Variants in SGCD observed in about 807,000 individuals in gnomAD.
SGCD encodes the protein sarcoglycan delta.
Under a neutral mutation model 36.6 loss-of-function variants are expected in SGCD, and 18 were observed. The observed-to-expected ratio is 0.49, with a 90% CI of 0.34 to 0.73. SGCD has a LOEUF of 0.73. Among genes scored for constraint, SGCD ranks in the 30% least tolerant of loss-of-function variants. The pLI is 0.01. For missense variants in SGCD, 387 were observed against 346.7 expected, an observed-to-expected ratio of 1.12 and a Z score of -0.92; for synonymous variants, 133 against 130.6, an observed-to-expected ratio of 1.02 and a Z score of -0.12.
intron 7 of SGCD, among the ~76,000 whole-genome samples, chr5:156,697,224 A>G (rs942932475): frequency 3.3e-5 from 5 of 152,200 alleles, no homozygotes; most frequent in Non-Finnish European, 7.3e-5. Context: ...CACACTTTAC[A>G]TGGGCAAATT....
At chr5:155,740,441 T>C in the SGCD span, among the ~76,000 whole-genome samples, 125,990 of 152,164 alleles carry the variant, frequency 0.83, 52,346 homozygotes, top group East Asian at 0.99. Flanking sequence ...AAAGCATTAT[T>C]AGTCTGGGTG....
In SGCD at chr5:156,676,467, G is replaced by A. The variant is rs1419160022; in HGVS notation, c.575+28931G>A. 2.0e-5 allele frequency among the ~76,000 whole-genome samples: 3 copies of A among 152,212 alleles called. No individual in the cohort carries two copies. In the East Asian group the frequency reaches 5.8e-4, roughly 29 times the overall value. The stretch of plus-strand genomic sequence containing the variant: ...TGTCACTTGAACAGACACTGCGAAT[G>A]AGTTCTGCTGGATAAATAGCACGTA... On this transcript the variant is annotated intron_variant, in intron 7 of 8. Transcript: ENST00000337851.
chr5:156,577,288 G>A (rs1350967499), intron 4 of SGCD, among the ~76,000 whole-genome samples: 2 of 152,210 alleles, frequency 1.3e-5, no homozygotes, highest in South Asian at 2.1e-4. Context: ...TCTCTGTTTT[G>A]GTACCATTAC....
At chr5:156,628,834 C>A (rs1762524472) in intron 6 of SGCD, among the ~76,000 whole-genome samples, 1 of 152,172 alleles carries the variant, frequency 6.6e-6, no homozygotes, top group South Asian at 2.1e-4. Flanking sequence ...CTGACCTCAA[C>A]CAGATTTTAA....
intron 7 of SGCD, among the ~76,000 whole-genome samples, chr5:156,671,082 G>T (rs1379616995): frequency 2.0e-5 from 3 of 150,344 alleles, no homozygotes; most frequent in Admixed American, 2.0e-4. Flanking sequence ...TCCTTTTATA[G>T]CATCCTGTAT....
At chr5:156,245,741 A>G (rs1377183069) in intron 3 of SGCD, among the ~76,000 whole-genome samples, 1 of 152,166 alleles carries the variant, frequency 6.6e-6, no homozygotes, top group East Asian at 1.9e-4. Context: ...GAATGGAGAA[A>G]TTCTAGAAGA....
chr5:156,391,566 C>G (rs1487030210), intron 3 of SGCD, among the ~76,000 whole-genome samples: 1 of 152,198 alleles, frequency 6.6e-6, no homozygotes, highest in African/African-American at 2.4e-5. Flanking sequence ...AGTGTAATAA[C>G]TGTTTACAAA....
intron 3 of SGCD, among the ~76,000 whole-genome samples, chr5:156,146,468 A>G (rs1022665497): frequency 1.3e-5 from 2 of 152,222 alleles, no homozygotes; most frequent in Non-Finnish European, 2.9e-5. Context: ...TAAGCGGTGA[A>G]GGAAAGGTGG....
intron 3 of SGCD, among the ~76,000 whole-genome samples, chr5:156,443,532 A>G (rs990319371): frequency 6.6e-6 from 1 of 152,076 alleles, no homozygotes; most frequent in Non-Finnish European, 1.5e-5. Flanking sequence ...AGCTGAACTC[A>G]TGATCATCTA....
chr5:155,737,423 G>A, the SGCD span, among the ~76,000 whole-genome samples: 2 of 152,232 alleles, frequency 1.3e-5, no homozygotes, highest in Admixed American at 1.3e-4. Flanking sequence ...TGAAATAAAA[G>A]TTTTGAAAAA....
At chr5:156,559,082 G>C (rs2113233952) in intron 4 of SGCD, among the ~76,000 whole-genome samples, 1 of 152,250 alleles carries the variant, frequency 6.6e-6, no homozygotes, top group South Asian at 2.1e-4. Context: ...CTGGCTAAAT[G>C]ACCTTATACA....
intron 3 of SGCD, among the ~76,000 whole-genome samples, chr5:156,133,985 A>G (rs762173301): frequency 4.6e-5 from 7 of 151,640 alleles, no homozygotes; most frequent in Non-Finnish European, 1.0e-4. Flanking sequence ...TCTCTCCAAC[A>G]CAAGAAATGG....
chr5:156,011,588 C>T (rs979162426), intron 1 of SGCD, among the ~76,000 whole-genome samples: 1 of 151,990 alleles, frequency 6.6e-6, no homozygotes, highest in Non-Finnish European at 1.5e-5. Context: ...TACAGGTGCC[C>T]ACCACTGTGC....
intron 1 of SGCD, among the ~76,000 whole-genome samples, chr5:155,892,992 G>A (rs899417519): frequency 6.6e-6 from 1 of 152,120 alleles, no homozygotes; most frequent in African/African-American, 2.4e-5. Context: ...GGTGAGGAGA[G>A]GTTGGCCACC....
At chr5:156,560,458 A>T (rs1021465827) in intron 4 of SGCD, among the ~76,000 whole-genome samples, 21 of 152,298 alleles carry the variant, frequency 1.4e-4, no homozygotes, top group African/African-American at 5.1e-4. Flanking sequence ...AAATTCGGCT[A>T]AGTGTTGACA....
intron 1 of SGCD, among the ~76,000 whole-genome samples, chr5:155,872,350 A>AACAC (rs1755671626): frequency 2.4e-5 from 3 of 125,128 alleles, no homozygotes; most frequent in African/African-American, 1.3e-4. Flanking sequence ...TCTTCTCTTC[A>AACAC]GCACACACAC....
intron 3 of SGCD, among the ~76,000 whole-genome samples, chr5:156,137,559 T>C (rs1187814449): frequency 6.6e-6 from 1 of 152,164 alleles, no homozygotes; most frequent in Non-Finnish European, 1.5e-5. Flanking sequence ...TTAAATAAGA[T>C]TCGACTATTT....
At chr5:156,411,244 A>C (rs1224245313) in intron 3 of SGCD, among the ~76,000 whole-genome samples, 2 of 152,188 alleles carry the variant, frequency 1.3e-5, no homozygotes, top group Non-Finnish European at 2.9e-5. Context: ...TGGCCTCTGC[A>C]CAGAACCTTT....
chr5:155,744,930 T>C, the SGCD span, among the ~76,000 whole-genome samples: 1 of 152,176 alleles, frequency 6.6e-6, no homozygotes, highest in African/African-American at 2.4e-5. Context: ...TATAGACAAA[T>C]TGTAGTGAAA....
Sources: gnomAD v4.1 joint callset for allele counts (sites outside exome capture counted in the v4.1 genomes callset) on GRCh38, gnomAD v4.1.1 for gene constraint, MANE v1.5 for transcripts, NCBI Gene and HGNC (gene_info 2026-07-23, HGNC 2026-07-21) for gene names.